Variants in CCDC50 observed in about 807,000 individuals in gnomAD.
CCDC50 encodes the protein coiled-coil domain containing 50, also known as coiled-coil domain-containing protein 50.
CCDC50 carries 54 observed loss-of-function variants against 70.2 expected under a neutral mutation model. The ratio of observed to expected loss-of-function variants is 0.77; its 90% CI spans 0.62 to 0.96. CCDC50 has a LOEUF of 0.96. CCDC50 is among the 50% of genes least tolerant of loss of function. The pLI, the probability that CCDC50 is intolerant of heterozygous loss-of-function variation, is 0.00. For synonymous variants in CCDC50, 216 were observed against 198.8 expected, an observed-to-expected ratio of 1.09 and a Z score of -0.73; for missense variants, 558 against 578.7, an observed-to-expected ratio of 0.96 and a Z score of 0.37.
intron 1 of CCDC50, among the ~76,000 whole-genome samples, chr3:191,333,250 G>T (rs117151709): frequency 6.6e-6 from 1 of 152,268 alleles, no homozygotes; most frequent in East Asian, 1.9e-4. Context: ...TACATTTTTA[G>T]AAATGTCTGT....
intron 5 of CCDC50, among the ~76,000 whole-genome samples, chr3:191,374,280 T>A (rs1713011270): frequency 6.6e-6 from 1 of 152,190 alleles, no homozygotes; most frequent in South Asian, 2.1e-4. Flanking sequence ...TATATTTTTC[T>A]ACAAAGAATA....
chr3:191,389,472 C>G, intron 10 of CCDC50, 24 bp from the exon 11 acceptor site: 3 of 1,585,540 alleles, frequency 1.9e-6, no homozygotes, highest in East Asian at 2.2e-5. Context: ...TAGAATGCCC[C>G]TTTAAATTCT....
At chr3:191,359,452 A>T (rs1038863162) in intron 3 of CCDC50, among the ~76,000 whole-genome samples, 7 of 152,196 alleles carry the variant, frequency 4.6e-5, no homozygotes, top group Non-Finnish European at 1.0e-4. Flanking sequence ...TATGTTAAAG[A>T]TTTCAGGTTT....
intron 1 of CCDC50, among the ~76,000 whole-genome samples, chr3:191,351,516 C>CA (rs1254129437): frequency 7.1e-6 from 1 of 141,106 alleles, no homozygotes; most frequent in East Asian, 1.9e-4. Context: ...AATGCTCCTA[C>CA]AGTTATTGGT....
At chr3:191,385,966 T>C (rs145586454) in intron 10 of CCDC50, among the ~76,000 whole-genome samples, 3 of 152,290 alleles carry the variant, frequency 2.0e-5, no homozygotes, top group African/African-American at 7.2e-5. Flanking sequence ...GGATCTGTAC[T>C]CTGTTACATT....
intron 5 of CCDC50, among the ~76,000 whole-genome samples, chr3:191,374,751 A>G (rs925910162): frequency 6.6e-6 from 1 of 152,170 alleles, no homozygotes; most frequent in Non-Finnish European, 1.5e-5. Flanking sequence ...TTAATGTTTA[A>G]TGGCTATAAT....
intron 6 of CCDC50, among the ~76,000 whole-genome samples, chr3:191,379,169 G>A (rs1417330842): frequency 6.6e-6 from 1 of 152,010 alleles, no homozygotes; most frequent in African/African-American, 2.4e-5. Context: ...AGAATGAACT[G>A]GGGAGATTTA....
chr3:191,380,341 C>G, intron 7 of CCDC50, 67 bp downstream of exon 7: 1 of 970,010 alleles, frequency 1.0e-6, no homozygotes, highest in African/African-American at 1.6e-5. Context: ...TCTAGTCCAT[C>G]TTGAAATTAT....
In CCDC50 at chr3:191,356,941, C is replaced by T; in HGVS notation, c.50-147C>T. On this transcript the variant is annotated intron_variant, in intron 1 of 11. Transcript: ENST00000392455. ...TAAAGACTGCATACTTAACTAGTCACTATTTTATGCATTGAGAATTATAAA... is the reference window on the plus strand; with the variant it reads ...TAAAGACTGCATACTTAACTAGTCATTATTTTATGCATTGAGAATTATAAA... 8.7e-6 allele frequency: 6 copies of T among 690,110 alleles called. No homozygotes were observed. The South Asian group carries it at 9.6e-5, about 11-fold the overall frequency. 42.7% of individuals were successfully genotyped at this position (690,110 alleles called of 1,614,324 possible). A position where few individuals can be genotyped will look rare whatever the true frequency, so the allele number is the denominator to read the frequency against.
chr3:191,343,436 G>C (rs1711802906), intron 1 of CCDC50, among the ~76,000 whole-genome samples: 1 of 152,184 alleles, frequency 6.6e-6, no homozygotes, highest in Admixed American at 6.5e-5. Context: ...TACTGTGTAA[G>C]AGTTTAATCT....
At position 191,361,093 on chromosome 3, in the gene CCDC50, T is replaced by C; in HGVS notation, c.264T>C (p.Ala88=). The change falls in exon 4 of 12, where the codon GCT becomes GCC. Residue 88 remains alanine, a synonymous_variant. Coordinates refer to ENST00000392455, the MANE Select transcript of CCDC50 (RefSeq NM_178335.3). ...GTGAACAACAAGACTGTGAAATTGC[T>C]CAGGAAATTCAGGAGAAGCTGGCTA... ...KDLEQQDCEI[A]QEIQEKLAIE... is the part of the protein sequence containing the mutation. 6.2e-7 allele frequency: 1 copy of C among 1,613,808 alleles called. No individual in the cohort carries two copies. The highest frequency in any genetic ancestry group is 1.3e-5 in the African/African-American group (1 of 75,026).
intron 1 of CCDC50, among the ~76,000 whole-genome samples, chr3:191,350,575 T>A (rs1303763635): frequency 7.1e-6 from 1 of 141,360 alleles, no homozygotes; most frequent in African/African-American, 2.5e-5. Flanking sequence ...AGGAAATGGC[T>A]TTTTTTTCAC....
intron 1 of CCDC50, among the ~76,000 whole-genome samples, chr3:191,340,335 A>T (rs188561088): frequency 6.6e-6 from 1 of 152,320 alleles, no homozygotes; most frequent in Non-Finnish European, 1.5e-5. Flanking sequence ...TATTTCTGTA[A>T]ATTGGGCAAG....
chr3:191,381,416 A>G (rs964228280), intron 9 of CCDC50, among the ~76,000 whole-genome samples: 1 of 152,122 alleles, frequency 6.6e-6, no homozygotes, highest in Non-Finnish European at 1.5e-5. Flanking sequence ...ATTATTATTT[A>G]TGTCACAGTG....
rs1324681305 is a variant in CCDC50 at position 191,329,720 on chromosome 3, G to A, written c.46G>A (p.Glu16Lys). The A allele has an allele frequency of 6.2e-7, 1 of 1,609,908 alleles. No homozygotes were observed. Among genetic ancestry groups the A allele is most frequent in the Admixed American group, 1.7e-5 (1 of 59,606 alleles). ...CCAGTCCAAGCTGCCTGGAGTCAAG[G>A]AAGGTAAGGGCCCCGGAGGGAGAGC... ...IDQSKLPGVK[E>K]VCRDFAVLED... Residue 16 changes from glutamate to lysine, a missense_variant, in exon 1 of 12, where the codon GAA (glutamate) becomes AAA (lysine). Coordinates refer to ENST00000392455, the MANE Select transcript of CCDC50 (RefSeq NM_178335.3).
In CCDC50 at chr3:191,396,654, A is replaced by G. The variant is rs548433045; in HGVS notation, c.*4894A>G. 15 of 152,092 alleles carry G rather than the reference A, an allele frequency of 9.9e-5. No homozygotes were observed. Among genetic ancestry groups the G allele is most frequent in the African/African-American group, 2.4e-4 (10 of 41,444 alleles). The allele number at this position is 152,092 out of a possible 1,614,324, so 9.4% of individuals were successfully genotyped here. On this transcript the variant is annotated 3_prime_UTR_variant, in exon 12 of 12. Coordinates refer to ENST00000392455, the MANE Select transcript of CCDC50 (RefSeq NM_178335.3). Reference sequence around the variant, plus strand: ...TTGAAATGCTTAACCATTAACAGGGAAAAAAAAGGAGAAAACCGAACAAAA... The same window carrying G: ...TTGAAATGCTTAACCATTAACAGGGGAAAAAAAGGAGAAAACCGAACAAAA...
Position 191,395,349 on chromosome 3 carries a change from C to T in CCDC50, c.*3589C>T, listed in dbSNP as rs1307277009. On this transcript the variant is annotated 3_prime_UTR_variant, in exon 12 of 12. Transcript: ENST00000392455. ...TTTTCTTTAATAGTTTCTGTCAAAA[C>T]TTGTCTAAAATTTGTGTTGTGCCAA... 1 of 152,104 alleles carries T rather than the reference C, an allele frequency of 6.6e-6. No individual in the cohort carries two copies. Among genetic ancestry groups the T allele is most frequent in the Non-Finnish European group, 1.5e-5 (1 of 67,982 alleles). The allele number at this position is 152,104 out of a possible 1,614,324, so 9.4% of individuals were successfully genotyped here.
rs533093751 is a variant in CCDC50 at position 191,344,609 on chromosome 3, C to T, written c.50-12479C>T. 3.9e-5 allele frequency among the ~76,000 whole-genome samples: 6 copies of T among 152,290 alleles called. No homozygotes were observed. The East Asian group carries it at 5.8e-4, about 15-fold the overall frequency. ...TTTGTTTGTTTTGGAGACGGAGTCT[C>T]GCTCTGTCACGCAGGCTGGATTGCA... On this transcript the variant is annotated intron_variant, in intron 1 of 11. Transcript: ENST00000392455.
chr3:191,331,806 T>C (rs1322611858), intron 1 of CCDC50, among the ~76,000 whole-genome samples: 2 of 152,200 alleles, frequency 1.3e-5, no homozygotes, highest in African/African-American at 4.8e-5. Context: ...TTTATCCTAA[T>C]TAAAGAGAAT....
Sources: allele counts gnomAD v4.1 joint callset (sites outside exome capture counted in the v4.1 genomes callset), GRCh38; gene constraint gnomAD v4.1.1; transcripts MANE v1.5; gene names NCBI Gene and HGNC (gene_info 2026-07-23, HGNC 2026-07-21).